Variants in TAPT1 observed in about 807,000 individuals in gnomAD.
TAPT1 encodes transmembrane anterior posterior transformation 1, also known as transmembrane anterior posterior transformation protein 1 homolog.
A neutral mutation model predicts 65.6 loss-of-function variants in TAPT1; 28 were observed. The ratio of observed to expected loss-of-function variants is 0.43; its 90% CI spans 0.32 to 0.59. The LOEUF is 0.59. Among genes scored for constraint, TAPT1 ranks in the 20% least tolerant of loss-of-function variants. The probability of loss-of-function intolerance (pLI) is 0.09; values close to 1 mark genes in which losing one functional copy is unlikely to be tolerated. For missense variants in TAPT1, 563 were observed against 679.9 expected (o/e 0.83, Z 1.91); for synonymous variants, 278 against 245.2 (o/e 1.13, Z -1.25).
chr4:16,210,507 T>C (rs937734127), intron 2 of TAPT1, among the ~76,000 whole-genome samples: 1 of 152,138 alleles, frequency 6.6e-6, no homozygotes, highest in African/African-American at 2.4e-5. Context: ...TCCCCCTGAG[T>C]TGCTGATGTG....
chr4:16,193,882 A>G (rs1424375491), intron 3 of TAPT1, among the ~76,000 whole-genome samples: 1 of 152,256 alleles, frequency 6.6e-6, no homozygotes, highest in Non-Finnish European at 1.5e-5. Flanking sequence ...AGCTAAAAGT[A>G]GGGTAGTATT....
At chr4:16,202,712 A>C in intron 2 of TAPT1, 132 bp from the exon 3 acceptor site, 1 of 534,560 alleles carries the variant, frequency 1.9e-6, no homozygotes, top group Non-Finnish European at 3.4e-6. Flanking sequence ...GGGAATAACA[A>C]ATTAACAGTT....
intron 13 of TAPT1, among the ~76,000 whole-genome samples, chr4:16,164,463 G>T (rs1336537369): frequency 6.6e-6 from 1 of 152,144 alleles, no homozygotes; most frequent in Non-Finnish European, 1.5e-5. Flanking sequence ...CAAACACTCA[G>T]GTCGTCATCC....
chr4:16,177,037 T>C (rs1205227240), intron 8 of TAPT1, among the ~76,000 whole-genome samples: 1 of 152,230 alleles, frequency 6.6e-6, no homozygotes, highest in Non-Finnish European at 1.5e-5. Context: ...CATTATGACA[T>C]TTAAATGTCT....
At position 16,226,018 on chromosome 4, in the gene TAPT1, G is replaced by A. The variant is rs1006112063; in HGVS notation, c.199+241C>T. ...TTCCCGGCCGCAGACCCCTTCTAGG[G>A]CACACCTGGCCTGGCGCGGCCGCGG... On this transcript the variant is annotated intron_variant, in intron 1 of 13. Transcript: ENST00000405303. The A allele has an allele frequency of 6.0e-6, 6 of 1,003,548 alleles. No individual in the cohort carries two copies. In the African/African-American group the frequency reaches 6.9e-5, roughly 12 times the overall value. 62.2% of individuals were successfully genotyped at this position (1,003,548 alleles called of 1,614,324 possible).
intron 5 of TAPT1, among the ~76,000 whole-genome samples, chr4:16,187,216 T>C (rs1749071881): frequency 2.0e-5 from 3 of 152,122 alleles, no homozygotes; most frequent in Non-Finnish European, 4.4e-5. Context: ...GTTAAGTAAA[T>C]GGAATAAATT....
chr4:16,217,346 A>G (rs1386466095), intron 1 of TAPT1, among the ~76,000 whole-genome samples: 2 of 152,252 alleles, frequency 1.3e-5, no homozygotes, highest in Non-Finnish European at 2.9e-5. Context: ...AATCATAGAG[A>G]ACAAAAACAG....
At chr4:16,163,921 CTT>C (rs1444505749) in intron 13 of TAPT1, among the ~76,000 whole-genome samples, 3 of 152,156 alleles carry the variant, frequency 2.0e-5, no homozygotes, top group Non-Finnish European at 2.9e-5. Flanking sequence ...GCCAAGAAGA[CTT>C]TACTACATTC....
chr4:16,179,806 G>GTATATATATATATATATATATA (rs1560159932), intron 7 of TAPT1, 149 bp from the exon 8 acceptor site: 9 of 247,042 alleles, frequency 3.6e-5, no homozygotes, highest in East Asian at 1.8e-4. Flanking sequence ...ATATATATGT[G>GTATATATATATATATATATATA]TGTGTGTGTG....
intron 1 of TAPT1, among the ~76,000 whole-genome samples, chr4:16,215,843 T>A (rs1406362303): frequency 6.6e-6 from 1 of 152,124 alleles, no homozygotes; most frequent in African/African-American, 2.4e-5. Context: ...CAGAACAAGA[T>A]CTGCTCTTTC....
chr4:16,171,878 TAC>T (rs755703684), intron 11 of TAPT1, among the ~76,000 whole-genome samples: 1 of 152,246 alleles, frequency 6.6e-6, no homozygotes, highest in Non-Finnish European at 1.5e-5. Context: ...GAGACTTTAA[TAC>T]ACATTTTTTC....
At chr4:16,206,606 T>C (rs1750359638) in intron 2 of TAPT1, among the ~76,000 whole-genome samples, 1 of 151,660 alleles carries the variant, frequency 6.6e-6, no homozygotes, top group South Asian at 2.1e-4. Flanking sequence ...ATCGACTTTC[T>C]AGGGAGTGGT....
chr4:16,215,622 G>A (rs1020922876), intron 1 of TAPT1, among the ~76,000 whole-genome samples: 4 of 152,128 alleles, frequency 2.6e-5, no homozygotes, highest in South Asian at 4.1e-4. Flanking sequence ...CCAGCCTCAC[G>A]CAACAGGAGG....
intron 2 of TAPT1, among the ~76,000 whole-genome samples, chr4:16,213,328 C>T (rs975275948): frequency 5.3e-5 from 8 of 152,140 alleles, no homozygotes; most frequent in African/African-American, 1.9e-4. Context: ...CCATCTTTTT[C>T]TTTGAAGAGA....
intron 12 of TAPT1, among the ~76,000 whole-genome samples, chr4:16,167,634 G>C (rs1747728246): frequency 6.6e-6 from 1 of 152,198 alleles, no homozygotes; most frequent in South Asian, 2.1e-4. Context: ...CTTAGAACCT[G>C]TGTGCACCTG....
chr4:16,165,462 CGA>C (rs999764306), intron 13 of TAPT1, among the ~76,000 whole-genome samples: 14 of 150,640 alleles, frequency 9.3e-5, no homozygotes, highest in African/African-American at 3.4e-4. Context: ...CCCAGCTACT[CGA>C]GAGGCCGAGG....
chr4:16,219,044 A>C (rs928777696), intron 1 of TAPT1, among the ~76,000 whole-genome samples: 24 of 152,194 alleles, frequency 1.6e-4, no homozygotes, highest in African/African-American at 5.5e-4. Context: ...TAAAAAGTCA[A>C]ATAAAAACAT....
intron 2 of TAPT1, among the ~76,000 whole-genome samples, chr4:16,207,847 T>G (rs1485518876): frequency 6.6e-6 from 1 of 152,268 alleles, no homozygotes; most frequent in Non-Finnish European, 1.5e-5. Flanking sequence ...ACTAAGTCAT[T>G]CTATTTAAGC....
chr4:16,187,788 A>T (rs1749109501), intron 5 of TAPT1, among the ~76,000 whole-genome samples: 1 of 152,172 alleles, frequency 6.6e-6, no homozygotes, highest in Non-Finnish European at 1.5e-5. Flanking sequence ...TAAAACCACC[A>T]AAACTCCTCC....
Sources: allele counts gnomAD v4.1 joint callset (sites outside exome capture counted in the v4.1 genomes callset), GRCh38; gene constraint gnomAD v4.1.1; transcripts MANE v1.5; gene names NCBI Gene and HGNC (gene_info 2026-07-23, HGNC 2026-07-21).